Variants in ASB3 observed in about 807,000 individuals in gnomAD.
ASB3 encodes ankyrin repeat and SOCS box protein 3.
In ASB3, 41 loss-of-function variants were observed where a neutral mutation model predicts 54.5. That is an observed-to-expected ratio of 0.75 (90% confidence interval 0.59 to 0.98). The LOEUF is 0.98. ASB3 is among the 50% of genes least tolerant of loss of function. The probability of loss-of-function intolerance (pLI) is 0.00; values close to 1 mark genes in which losing one functional copy is unlikely to be tolerated. For synonymous variants in ASB3, 266 were observed against 221.2 expected, an observed-to-expected ratio of 1.20 and a Z score of -1.80; for missense variants, 733 against 620.0, an observed-to-expected ratio of 1.18 and a Z score of -1.94.
intron 9 of ASB3, among the ~76,000 whole-genome samples, chr2:53,685,390 A>G (rs1668581280): frequency 6.6e-6 from 1 of 152,240 alleles, no homozygotes; most frequent in Admixed American, 6.5e-5. Flanking sequence ...AAATGGAAGA[A>G]CTTTCTCATC....
chr2:53,783,050 G>A (rs1674741434), intron 1 of ASB3, among the ~76,000 whole-genome samples: 3 of 152,050 alleles, frequency 2.0e-5, no homozygotes, highest in East Asian at 1.9e-4. Context: ...TGGAATTACC[G>A]GTGTGAGCCA....
chr2:53,737,114 C>A (rs1671681681), intron 3 of ASB3, among the ~76,000 whole-genome samples: 1 of 152,180 alleles, frequency 6.6e-6, no homozygotes, highest in South Asian at 2.1e-4. Flanking sequence ...AGCCATCCAT[C>A]CAAAACAATC....
At chr2:53,774,064 C>G in intron 1 of ASB3, 3 of 1,360,900 alleles carry the variant, frequency 2.2e-6, no homozygotes, top group Non-Finnish European at 3.0e-6. Flanking sequence ...ATATGAGATA[C>G]TCCCTTAGAT....
intron 2 of ASB3, among the ~76,000 whole-genome samples, chr2:53,757,737 C>T (rs1005529424): frequency 3.3e-5 from 5 of 152,200 alleles, no homozygotes; most frequent in African/African-American, 1.2e-4. Context: ...ATACAGCTCT[C>T]AACATGGGCA....
At chr2:53,698,681 G>T (rs577058037) in intron 8 of ASB3, among the ~76,000 whole-genome samples, 1 of 152,204 alleles carries the variant, frequency 6.6e-6, no homozygotes, top group African/African-American at 2.4e-5. Context: ...TTCCAACAGG[G>T]TATTGCTAAT....
intron 2 of ASB3, among the ~76,000 whole-genome samples, chr2:53,752,648 G>C (rs1472261687): frequency 6.6e-6 from 1 of 152,254 alleles, no homozygotes; most frequent in South Asian, 2.1e-4. Flanking sequence ...GGCAGCATTT[G>C]GCTGTCTCCT....
chr2:53,678,613 C>T (rs1668207386), intron 9 of ASB3, among the ~76,000 whole-genome samples: 1 of 152,112 alleles, frequency 6.6e-6, no homozygotes, highest in Admixed American at 6.5e-5. Flanking sequence ...CCCCATGCAC[C>T]CGACTTTGGG....
At chr2:53,681,867 T>A (rs2103668464) in intron 9 of ASB3, among the ~76,000 whole-genome samples, 1 of 152,180 alleles carries the variant, frequency 6.6e-6, no homozygotes, top group Admixed American at 6.5e-5. Context: ...CATATAAATT[T>A]TAGGATTGCT....
Position 53,714,432 on chromosome 2 carries a change from C to T in ASB3, c.932G>A (p.Cys311Tyr), listed in dbSNP as rs772637731. 6.2e-7 allele frequency: 1 copy of T among 1,614,206 alleles called. No homozygotes were observed. The highest frequency in any genetic ancestry group is 8.5e-7 in the Non-Finnish European group (1 of 1,180,012). ...AGGAGAACTGAATCCAAAAACAAGG[C>T]ACGCCTGGGCGTCTGGGCTGTAGCC... ...RNGYSPDAQACLVFGFSSPVC... is the reference protein window; with the variant it reads ...RNGYSPDAQAYLVFGFSSPVC... The change falls in exon 7 of 10, where the codon TGC (cysteine) becomes TAC (tyrosine). Residue 311 changes from cysteine to tyrosine, a missense_variant. By Grantham distance (194) the Cys-to-Tyr change is radical. Transcript: ENST00000263634.
intron 8 of ASB3, among the ~76,000 whole-genome samples, chr2:53,696,970 T>TG (rs1669216499): frequency 6.6e-6 from 1 of 152,144 alleles, no homozygotes. Context: ...CCTATTGGGC[T>TG]ACATCCCCAG....
chr2:53,765,519 G>A lies in ASB3; in HGVS notation c.54C>T (p.Ala18=). ...ADTCSTVGLA[A]REGNVKVLRK... ...TTAAGACTTTAACATTGCCTTCCCT[G>A]GCAGCAAGTCCAACTGTAGAGCACG... Residue 18 remains alanine, a synonymous_variant, in exon 2 of 10, where the codon GCC becomes GCT. Transcript: ENST00000263634. 1 of 1,614,136 alleles carries A rather than the reference G, an allele frequency of 6.2e-7. No individual in the cohort carries two copies. Among genetic ancestry groups the A allele is most frequent in the South Asian group, 1.1e-5 (1 of 91,080 alleles).
chr2:53,681,102 T>C (rs748268074), intron 9 of ASB3, among the ~76,000 whole-genome samples: 2 of 152,208 alleles, frequency 1.3e-5, no homozygotes, highest in Admixed American at 1.3e-4. Context: ...GTTGTGTATA[T>C]GTATCACAGT....
At chr2:53,775,411 C>T (rs1332491112) in intron 1 of ASB3, among the ~76,000 whole-genome samples, 1 of 151,948 alleles carries the variant, frequency 6.6e-6, no homozygotes, top group Non-Finnish European at 1.5e-5. Context: ...TGCGTCTGGC[C>T]ATCCCACAGG....
At chr2:53,748,121 A>AT (rs1672326699) in intron 3 of ASB3, among the ~76,000 whole-genome samples, 1 of 152,182 alleles carries the variant, frequency 6.6e-6, no homozygotes, top group African/African-American at 2.4e-5. Flanking sequence ...TGAAGATCCA[A>AT]TTATCTGCTT....
At position 53,756,319 on chromosome 2, in the gene ASB3, T is replaced by G. The variant is rs556158468; in HGVS notation, c.197-5378A>C. Among the ~76,000 whole-genome samples the G allele has an allele frequency of 2.0e-5, 3 of 152,082 alleles. No homozygotes were observed. The South Asian group carries it at 6.2e-4, about 31-fold the overall frequency. ...TCAGATTTACATTTACTTGAGCTAC[T>G]ATATTCCCTTTCTTTGCTTAAGCTA... On this transcript the variant is annotated intron_variant, in intron 2 of 9. Transcript: ENST00000263634.
intron 5 of ASB3, among the ~76,000 whole-genome samples, chr2:53,717,157 C>T (rs748281867): frequency 5.3e-5 from 8 of 152,202 alleles, no homozygotes; most frequent in Non-Finnish European, 1.2e-4. Context: ...ATGAAGGATA[C>T]ATTTCATTCC....
At chr2:53,775,062 T>G (rs1674237088) in intron 1 of ASB3, 1 of 152,666 alleles carries the variant, frequency 6.6e-6, no homozygotes, top group African/African-American at 2.4e-5. Flanking sequence ...AGCCAAAAAT[T>G]GGCATTTTTA....
At chr2:53,772,197 CAG>C (rs1211145987) in intron 1 of ASB3, among the ~76,000 whole-genome samples, 4 of 151,942 alleles carry the variant, frequency 2.6e-5, no homozygotes, top group Admixed American at 2.6e-4. Context: ...TTTTTTGAGA[CAG>C]AGTCTAGCTC....
rs755210528 is a variant in ASB3, at chr2:53,774,569, A to G, written c.-13-8984T>C. 4 of 1,359,408 alleles carry G rather than the reference A, an allele frequency of 2.9e-6. No individual in the cohort carries two copies. In the East Asian group the frequency reaches 9.5e-5, roughly 32 times the overall value. The allele number at this position is 1,359,408 out of a possible 1,614,324, so 84.2% of individuals were successfully genotyped here. A position where few individuals can be genotyped will look rare whatever the true frequency, so the allele number is the denominator to read the frequency against. On this transcript the variant is annotated intron_variant, in intron 1 of 9. Coordinates refer to ENST00000263634, the MANE Select transcript of ASB3 (RefSeq NM_016115.5). ...AACTTCAGTGCACAATGACAATATGATTTGGAAATACGTTTACTTAAAGAT... is the reference window on the plus strand; with the variant it reads ...AACTTCAGTGCACAATGACAATATGGTTTGGAAATACGTTTACTTAAAGAT...
Sources: gnomAD v4.1 joint callset for allele counts (sites outside exome capture counted in the v4.1 genomes callset) on GRCh38, gnomAD v4.1.1 for gene constraint, MANE v1.5 for transcripts, NCBI Gene and HGNC (gene_info 2026-07-23, HGNC 2026-07-21) for gene names.